Variants in PKNOX2 observed in about 807,000 individuals in gnomAD.
The protein encoded by PKNOX2 is homeobox protein PKNOX2.
A neutral mutation model predicts 53.1 loss-of-function variants in PKNOX2; 14 were observed. That is an observed-to-expected ratio of 0.26 (90% confidence interval 0.17 to 0.41). The LOEUF is 0.41. PKNOX2 is among the 10% of genes least tolerant of loss of function. PKNOX2 has a pLI of 1.00. For missense variants in PKNOX2, 496 were observed against 602.8 expected (o/e 0.82, Z 1.85); for synonymous variants, 257 against 242.8 (o/e 1.06, Z -0.54).
At chr11:125,231,326 T>G (rs1169941614) in intron 1 of PKNOX2, among the ~76,000 whole-genome samples, 1 of 152,222 alleles carries the variant, frequency 6.6e-6, no homozygotes, top group Admixed American at 6.5e-5. Context: ...GAAGCTTTCT[T>G]CTATCCCTCT....
intron 1 of PKNOX2, among the ~76,000 whole-genome samples, chr11:125,195,650 C>T (rs1168699123): frequency 6.6e-6 from 1 of 152,084 alleles, no homozygotes; most frequent in African/African-American, 2.4e-5. Flanking sequence ...TGACACACTA[C>T]TCATGAAAAT....
intron 3 of PKNOX2, among the ~76,000 whole-genome samples, chr11:125,347,396 G>A (rs1468567705): frequency 1.3e-5 from 2 of 152,200 alleles, no homozygotes; most frequent in African/African-American, 2.4e-5. Context: ...TGTGCCCCAG[G>A]CCATTAATGG....
chr11:125,390,101 A>C (rs1953948974), intron 6 of PKNOX2, among the ~76,000 whole-genome samples: 2 of 152,234 alleles, frequency 1.3e-5, no homozygotes, highest in South Asian at 4.1e-4. Context: ...CACAGACACC[A>C]GGAAAGGGAA....
chr11:125,398,110 C>A (rs1254175475), intron 7 of PKNOX2, 48 bp downstream of exon 7: 2 of 1,550,908 alleles, frequency 1.3e-6, no homozygotes, highest in Non-Finnish European at 1.7e-6. Context: ...CTCCTAAGCC[C>A]AGCTCTGGAG....
At chr11:125,302,948 A>G (rs1406664475) in intron 2 of PKNOX2, among the ~76,000 whole-genome samples, 1 of 152,070 alleles carries the variant, frequency 6.6e-6, no homozygotes, top group African/African-American at 2.4e-5. Flanking sequence ...GGACCATCTC[A>G]TGGCTAGTCT....
chr11:125,291,223 C>T (rs866462851), intron 2 of PKNOX2, among the ~76,000 whole-genome samples: 2 of 152,146 alleles, frequency 1.3e-5, no homozygotes, highest in Non-Finnish European at 2.9e-5. Context: ...ATGAGTAGAC[C>T]CTAAGAATCA....
At chr11:125,285,747 G>A (rs1946857121) in intron 2 of PKNOX2, among the ~76,000 whole-genome samples, 1 of 152,174 alleles carries the variant, frequency 6.6e-6, no homozygotes, top group Non-Finnish European at 1.5e-5. Context: ...GTTAAACACA[G>A]CCATTATTAA....
intron 2 of PKNOX2, among the ~76,000 whole-genome samples, chr11:125,278,117 G>T (rs962540231): frequency 1.3e-5 from 2 of 152,092 alleles, no homozygotes; most frequent in African/African-American, 4.8e-5. Flanking sequence ...TACTCAGGAG[G>T]CTGAGGTGGG....
chr11:125,404,143 T>C (rs1362636062), intron 7 of PKNOX2, among the ~76,000 whole-genome samples: 2 of 152,052 alleles, frequency 1.3e-5, no homozygotes, highest in African/African-American at 4.8e-5. Context: ...CCTGGAAAGA[T>C]CACTACTTAG....
chr11:125,309,713 C>T (rs1185825038), intron 2 of PKNOX2, among the ~76,000 whole-genome samples: 4 of 152,120 alleles, frequency 2.6e-5, no homozygotes, highest in Non-Finnish European at 5.9e-5. Flanking sequence ...TTATATTTCT[C>T]TCTACTCAAC....
intron 1 of PKNOX2, among the ~76,000 whole-genome samples, chr11:125,230,587 C>T (rs534596368): frequency 6.6e-6 from 1 of 152,296 alleles, no homozygotes; most frequent in South Asian, 2.1e-4. Flanking sequence ...ACAGGAGCAT[C>T]CAGAGAGACT....
chr11:125,249,095 A>G (rs1235880838), intron 2 of PKNOX2, among the ~76,000 whole-genome samples: 1 of 144,460 alleles, frequency 6.9e-6, no homozygotes, highest in African/African-American at 2.5e-5. Context: ...ACATGTTTAT[A>G]TGTGTGCATC....
chr11:125,345,702 A>C (rs999681446), intron 3 of PKNOX2, among the ~76,000 whole-genome samples: 2 of 152,138 alleles, frequency 1.3e-5, no homozygotes, highest in African/African-American at 4.8e-5. Flanking sequence ...TACCAGCAAC[A>C]CTTTTTTTTT....
At chr11:125,317,535 T>C (rs1949274393) in intron 2 of PKNOX2, among the ~76,000 whole-genome samples, 1 of 152,226 alleles carries the variant, frequency 6.6e-6, no homozygotes, top group African/African-American at 2.4e-5. Context: ...ATTAATCTCC[T>C]TGTACATCTC....
intron 2 of PKNOX2, among the ~76,000 whole-genome samples, chr11:125,287,419 G>A (rs1484224752): frequency 6.6e-6 from 1 of 152,222 alleles, no homozygotes; most frequent in Non-Finnish European, 1.5e-5. Flanking sequence ...GAGCCACAGT[G>A]GCTGCAACCT....
chr11:125,342,208 A>C (rs1950726852), intron 3 of PKNOX2, among the ~76,000 whole-genome samples: 1 of 151,884 alleles, frequency 6.6e-6, no homozygotes. Context: ...AATTTGGAAC[A>C]AGGTATCATC....
At chr11:125,169,980 C>A (rs117527814) in intron 1 of PKNOX2, among the ~76,000 whole-genome samples, 1 of 152,230 alleles carries the variant, frequency 6.6e-6, no homozygotes, top group Admixed American at 6.5e-5. Context: ...CTGTATCAGA[C>A]GAATGCAGAA....
At chr11:125,398,816 CTT>C (rs944058390) in intron 7 of PKNOX2, among the ~76,000 whole-genome samples, 2 of 152,240 alleles carry the variant, frequency 1.3e-5, no homozygotes, top group African/African-American at 4.8e-5. Context: ...AGGCTTGAGA[CTT>C]TGTTCCCCTT....
chr11:125,195,763 C>T (rs1181433186), intron 1 of PKNOX2, among the ~76,000 whole-genome samples: 3 of 152,066 alleles, frequency 2.0e-5, no homozygotes, highest in Non-Finnish European at 4.4e-5. Context: ...GATGGCAATG[C>T]CTGATAATTT....
Sources: gnomAD v4.1 joint callset for allele counts (sites outside exome capture counted in the v4.1 genomes callset) on GRCh38, gnomAD v4.1.1 for gene constraint, MANE v1.5 for transcripts, NCBI Gene and HGNC (gene_info 2026-07-23, HGNC 2026-07-21) for gene names.